Variants in MPPED2 observed in about 807,000 individuals in gnomAD.
The protein encoded by MPPED2 is metallophosphoesterase MPPED2.
Under a neutral mutation model 33.0 loss-of-function variants are expected in MPPED2, and 5 were observed. The observed-to-expected ratio is 0.15, with a 90% confidence interval of 0.08 to 0.32. The LOEUF is 0.32. Ranked by LOEUF, MPPED2 falls within the 10% of genes least tolerant of loss-of-function variation. The pLI is 1.00. For missense variants in MPPED2, 275 were observed against 372.1 expected (o/e 0.74, Z 2.15); for synonymous variants, 136 against 141.9 (o/e 0.96, Z 0.29).
intron 4 of MPPED2, among the ~76,000 whole-genome samples, chr11:30,490,056 AC>A (rs1364163637): frequency 2.0e-5 from 3 of 152,106 alleles, no homozygotes; most frequent in African/African-American, 7.2e-5. Context: ...TCAAAACTCT[AC>A]CTTACCTCTA....
intron 4 of MPPED2, chr11:30,452,030 C>G: frequency 1.0e-6 from 1 of 985,432 alleles, no homozygotes; most frequent in Non-Finnish European, 1.2e-6. Context: ...TCTCATTTTG[C>G]CCTTTTTGTT....
chr11:30,525,152 G>T (rs986020551), intron 3 of MPPED2, among the ~76,000 whole-genome samples: 2 of 152,112 alleles, frequency 1.3e-5, no homozygotes, highest in Non-Finnish European at 2.9e-5. Flanking sequence ...TACAAAATGG[G>T]GAAAAAATAA....
exon 7 of MPPED2, chr11:30,385,237 C>A (rs137952982): frequency 6.6e-6 from 1 of 152,298 alleles, no homozygotes; most frequent in East Asian, 1.9e-4. Flanking sequence ...TTTACAGATT[C>A]TCAAGGTACT....
chr11:30,553,787 T>C (rs1279713104), intron 2 of MPPED2, among the ~76,000 whole-genome samples: 1 of 152,102 alleles, frequency 6.6e-6, no homozygotes, highest in Non-Finnish European at 1.5e-5. Flanking sequence ...TTAAACATGG[T>C]ACCTACAATG....
chr11:30,560,552 T>C (rs1956195842), intron 2 of MPPED2, among the ~76,000 whole-genome samples: 1 of 152,146 alleles, frequency 6.6e-6, no homozygotes, highest in Non-Finnish European at 1.5e-5. Context: ...AGTATTTCTC[T>C]AGCAACTAAC....
intron 4 of MPPED2, among the ~76,000 whole-genome samples, chr11:30,456,046 C>G (rs1950266203): frequency 6.6e-6 from 1 of 152,222 alleles, no homozygotes; most frequent in African/African-American, 2.4e-5. Context: ...ATTTCACTGT[C>G]TCTGCAGACA....
intron 4 of MPPED2, among the ~76,000 whole-genome samples, chr11:30,486,183 C>T (rs1226422577): frequency 1.3e-5 from 2 of 152,142 alleles, no homozygotes; most frequent in Non-Finnish European, 2.9e-5. Context: ...AGGAGAAATG[C>T]ATCACAGGAA....
exon 7 of MPPED2, chr11:30,388,950 G>A (rs767137523): frequency 1.3e-5 from 20 of 1,562,194 alleles, no homozygotes; most frequent in Non-Finnish European, 1.7e-5. Flanking sequence ...GATGCTCACA[G>A]GGTTTACTAA....
At chr11:30,473,166 G>A (rs1456406922) in intron 4 of MPPED2, among the ~76,000 whole-genome samples, 7 of 152,032 alleles carry the variant, frequency 4.6e-5, no homozygotes, top group East Asian at 3.9e-4. Flanking sequence ...CTTGGTTTTG[G>A]ACATTTTTTG....
intron 4 of MPPED2, among the ~76,000 whole-genome samples, chr11:30,458,820 T>C (rs955105615): frequency 1.3e-5 from 2 of 151,568 alleles, no homozygotes; most frequent in Admixed American, 1.3e-4. Context: ...CCATGTGTTC[T>C]AAAGCTGGAT....
intron 3 of MPPED2, among the ~76,000 whole-genome samples, chr11:30,511,342 G>A (rs1226861116): frequency 6.6e-6 from 1 of 152,156 alleles, no homozygotes; most frequent in East Asian, 1.9e-4. Context: ...TTATATTCAG[G>A]TGGGAGCAAC....
At chr11:30,486,969 CAG>C (rs1473919175) in intron 4 of MPPED2, among the ~76,000 whole-genome samples, 1 of 152,156 alleles carries the variant, frequency 6.6e-6, no homozygotes, top group East Asian at 1.9e-4. Flanking sequence ...GTTCACCAGC[CAG>C]AGACATATCT....
chr11:30,584,697 T>C (rs1957375615), intron 1 of MPPED2: 1 of 152,412 alleles, frequency 6.6e-6, no homozygotes, highest in African/African-American at 2.4e-5. Flanking sequence ...CCCGGGCGCG[T>C]TGGCATCCCC....
At chr11:30,488,369 G>A (rs755074014) in intron 4 of MPPED2, among the ~76,000 whole-genome samples, 7 of 152,142 alleles carry the variant, frequency 4.6e-5, no homozygotes, top group South Asian at 4.2e-4. Flanking sequence ...TTATGCCAAC[G>A]GTTGCTATGA....
chr11:30,543,310 G>A (rs1332866809), intron 2 of MPPED2, among the ~76,000 whole-genome samples: 1 of 152,170 alleles, frequency 6.6e-6, no homozygotes, highest in African/African-American at 2.4e-5. Flanking sequence ...AAAGAGCCCT[G>A]GCTGTGGAAT....
intron 3 of MPPED2, among the ~76,000 whole-genome samples, chr11:30,523,377 GT>G (rs1953980345): frequency 6.6e-6 from 1 of 152,084 alleles, no homozygotes; most frequent in Non-Finnish European, 1.5e-5. Context: ...CAAATGCCAC[GT>G]TGGTATAAGG....
intron 4 of MPPED2, among the ~76,000 whole-genome samples, chr11:30,437,777 T>C (rs1477845947): frequency 4.0e-5 from 6 of 151,772 alleles, no homozygotes; most frequent in African/African-American, 1.5e-4. Flanking sequence ...AAATCTGACC[T>C]CACCAAAGAA....
At chr11:30,439,345 G>C (rs1949463979) in intron 4 of MPPED2, among the ~76,000 whole-genome samples, 1 of 152,058 alleles carries the variant, frequency 6.6e-6, no homozygotes, top group Admixed American at 6.5e-5. Context: ...CTCCACTTAG[G>C]AAGTAAAACC....
intron 3 of MPPED2, among the ~76,000 whole-genome samples, chr11:30,511,760 A>AT (rs1953209060): frequency 1.3e-5 from 2 of 152,164 alleles, no homozygotes. Context: ...ATTAGACAAT[A>AT]TTTTTTAAAA....
Sources: allele counts gnomAD v4.1 joint callset (sites outside exome capture counted in the v4.1 genomes callset), GRCh38; gene constraint gnomAD v4.1.1; transcripts MANE v1.5; gene names NCBI Gene and HGNC (gene_info 2026-07-23, HGNC 2026-07-21).